The following PTPN9 variants were observed in gnomAD, a reference collection of about 807,000 sequenced individuals.
PTPN9 encodes the protein tyrosine-protein phosphatase non-receptor type 9.
PTPN9 carries 26 observed loss-of-function variants against 69.8 expected under a neutral mutation model. That is an observed-to-expected ratio of 0.37 (90% CI 0.27 to 0.52). The LOEUF (loss-of-function observed/expected upper bound fraction) is 0.52. PTPN9 is among the 20% of genes least tolerant of loss of function. PTPN9 has a pLI of 0.91. For missense variants in PTPN9, 549 were observed against 740.3 expected, an observed-to-expected ratio of 0.74 and a Z score of 3.00; for synonymous variants, 274 against 272.5, an observed-to-expected ratio of 1.01 and a Z score of -0.05.
At chr15:75,556,131 C>T (rs2075076076) in intron 1 of PTPN9, among the ~76,000 whole-genome samples, 1 of 151,600 alleles carries the variant, frequency 6.6e-6, no homozygotes, top group African/African-American at 2.4e-5. Context: ...GTGGCACAAC[C>T]TCGGCTCAGT....
At chr15:75,544,105 G>A (rs951732846) in intron 1 of PTPN9, among the ~76,000 whole-genome samples, 55 of 152,198 alleles carry the variant, frequency 3.6e-4, no homozygotes, top group Non-Finnish European at 2.1e-4. Context: ...AGAGACAACA[G>A]AGGAAATAGG....
Position 75,468,489 on chromosome 15 carries a change from C to A in PTPN9, c.*280G>T. Reference sequence around the variant, plus strand: ...TTCCTTCCCCACTTACCTCGGGGACCCTAGCAAAAATCAATAGCCACAATT... The same window carrying A: ...TTCCTTCCCCACTTACCTCGGGGACACTAGCAAAAATCAATAGCCACAATT... On this transcript the variant is annotated 3_prime_UTR_variant, in exon 13 of 13. Coordinates refer to ENST00000618819, the MANE Select transcript of PTPN9 (RefSeq NM_002833.4). The A allele has an allele frequency of 3.4e-6, 1 of 297,504 alleles. No individual in the cohort carries two copies. 18.4% of individuals were successfully genotyped at this position (297,504 alleles called of 1,614,324 possible).
chr15:75,504,099 G>A (rs1352415636), intron 7 of PTPN9, among the ~76,000 whole-genome samples: 1 of 121,640 alleles, frequency 8.2e-6, no homozygotes, highest in African/African-American at 3.2e-5. Flanking sequence ...CACCCCGCCC[G>A]GACAGCCGCC....
intron 8 of PTPN9, among the ~76,000 whole-genome samples, chr15:75,485,384 C>A (rs1475159470): frequency 9.3e-5 from 9 of 97,202 alleles, no homozygotes; most frequent in South Asian, 3.5e-4. Flanking sequence ...TTTTTTGAGA[C>A]GGAGTCTCGC....
chr15:75,526,378 G>C (rs1435679175), intron 2 of PTPN9, among the ~76,000 whole-genome samples: 1 of 152,038 alleles, frequency 6.6e-6, no homozygotes, highest in Non-Finnish European at 1.5e-5. Flanking sequence ...AATGAATATT[G>C]AATGAGCTGG....
In PTPN9 at chr15:75,467,654, G is replaced by A. The variant is rs1030445656; in HGVS notation, c.*1115C>T. The A allele has an allele frequency of 6.6e-6, 1 of 152,568 alleles. No individual in the cohort carries two copies. The highest frequency in any genetic ancestry group is 1.5e-5 in the Non-Finnish European group (1 of 68,046). The allele number at this position is 152,568 out of a possible 1,614,324, so 9.5% of individuals were successfully genotyped here. Reference sequence around the variant, plus strand: ...AAAAGGGCCCCAGCTCATCCTCCCAGGGAGGTATTTTCTTAGTGGTTTTTT... The same window carrying A: ...AAAAGGGCCCCAGCTCATCCTCCCAAGGAGGTATTTTCTTAGTGGTTTTTT... On this transcript the variant is annotated 3_prime_UTR_variant, in exon 13 of 13. Coordinates refer to ENST00000618819, the MANE Select transcript of PTPN9 (RefSeq NM_002833.4).
chr15:75,565,047 G>A (rs2075120741), intron 1 of PTPN9, among the ~76,000 whole-genome samples: 2 of 150,658 alleles, frequency 1.3e-5, no homozygotes, highest in Admixed American at 1.3e-4. Flanking sequence ...GTTGCAGTGA[G>A]CCGAGATTCT....
At chr15:75,474,648 GCAGT>G (rs1370193416) in intron 9 of PTPN9, among the ~76,000 whole-genome samples, 6 of 152,174 alleles carry the variant, frequency 3.9e-5, no homozygotes, top group African/African-American at 1.2e-4. Flanking sequence ...TCTCCCAGAA[GCAGT>G]CAGTCACCAA....
At chr15:75,573,385 G>A (rs940013548) in intron 1 of PTPN9, among the ~76,000 whole-genome samples, 12 of 152,224 alleles carry the variant, frequency 7.9e-5, no homozygotes, top group East Asian at 3.9e-4. Flanking sequence ...ATTTGTCCTC[G>A]TAGCCCAATT....
intron 1 of PTPN9, among the ~76,000 whole-genome samples, chr15:75,569,478 G>A (rs2075139456): frequency 6.6e-6 from 1 of 152,010 alleles, no homozygotes; most frequent in South Asian, 2.1e-4. Flanking sequence ...GCCGAGGCGG[G>A]CTGATCACCT....
intron 7 of PTPN9, among the ~76,000 whole-genome samples, chr15:75,503,816 C>G (rs2074792677): frequency 8.7e-6 from 1 of 115,160 alleles, no homozygotes; most frequent in African/African-American, 3.4e-5. Context: ...GGGGGGTCAG[C>G]CCCCCGCCCG....
Position 75,469,778 on chromosome 15 carries a change from A to G in PTPN9, c.1567+14T>C, listed in dbSNP as rs761553281. ...TGCCCCTGCAGACACCAAGAGCTGC[A>G]TTAGGTGCGTTACCTGTCCTGCCAA... On this transcript the variant is annotated intron_variant, in intron 12 of 12. Transcript: ENST00000618819. 4.3e-6 allele frequency: 7 copies of G among 1,611,514 alleles called. No homozygotes were observed. Among genetic ancestry groups the G allele is most frequent in the South Asian group, 1.1e-5 (1 of 90,980 alleles).
At chr15:75,510,600 T>G (rs1338991451) in intron 5 of PTPN9, among the ~76,000 whole-genome samples, 1 of 152,170 alleles carries the variant, frequency 6.6e-6, no homozygotes, top group East Asian at 1.9e-4. Context: ...TAGTGTGTTG[T>G]GTGTCTTAAA....
chr15:75,541,145 T>C (rs949653778), intron 1 of PTPN9, among the ~76,000 whole-genome samples: 5 of 151,980 alleles, frequency 3.3e-5, no homozygotes, highest in Non-Finnish European at 5.9e-5. Context: ...TTGAGTGCAG[T>C]GGCATGATCA....
intron 1 of PTPN9, among the ~76,000 whole-genome samples, chr15:75,559,008 A>T (rs543908909): frequency 2.0e-5 from 3 of 150,644 alleles, no homozygotes; most frequent in African/African-American, 7.4e-5. Context: ...GGATGTGAGG[A>T]TCCCCTCTGC....
chr15:75,499,399 CTT>C (rs71440245), intron 7 of PTPN9, among the ~76,000 whole-genome samples: 1 of 84,522 alleles, frequency 1.2e-5, no homozygotes. Context: ...TCTAAACCCA[CTT>C]TTTTTTTTTT....
At chr15:75,521,824 C>T (rs6495181) in intron 4 of PTPN9, among the ~76,000 whole-genome samples, 88,231 of 152,038 alleles carry the variant, frequency 0.58, 26,468 homozygotes, top group African/African-American at 0.74. Context: ...TGGATGTTCA[C>T]GATACCATTC....
intron 9 of PTPN9, among the ~76,000 whole-genome samples, chr15:75,477,907 C>A (rs575935643): frequency 1.3e-4 from 18 of 142,930 alleles, no homozygotes; most frequent in South Asian, 2.2e-4. Flanking sequence ...ATGGCGCAGT[C>A]GCAGTCCACT....
At chr15:75,483,148 C>T (rs1457015079) in intron 8 of PTPN9, among the ~76,000 whole-genome samples, 2 of 152,158 alleles carry the variant, frequency 1.3e-5, no homozygotes, top group African/African-American at 4.8e-5. Flanking sequence ...ATGTAAAATG[C>T]TGCAGTTACT....
Sources: allele counts gnomAD v4.1 joint callset (sites outside exome capture counted in the v4.1 genomes callset), GRCh38; gene constraint gnomAD v4.1.1; transcripts MANE v1.5; gene names NCBI Gene and HGNC (gene_info 2026-07-23, HGNC 2026-07-21).